FHIT: variants seen among roughly 807,000 people sequenced by gnomAD.
The protein encoded by FHIT is fragile histidine triad diadenosine triphosphatase, also known as bis(5'-adenosyl)-triphosphatase.
A neutral mutation model predicts 17.9 loss-of-function variants in FHIT; 19 were observed. That is an observed-to-expected ratio of 1.06 (90% CI 0.74 to 1.56). FHIT has a LOEUF of 1.56. Ranked by LOEUF, FHIT falls within the 40% of genes most tolerant of loss-of-function variation. The pLI is 0.00. For missense variants in FHIT, 248 were observed against 189.2 expected, an observed-to-expected ratio of 1.31 and a Z score of -1.82; for synonymous variants, 81 against 69.7, an observed-to-expected ratio of 1.16 and a Z score of -0.81.
intron 8 of FHIT, among the ~76,000 whole-genome samples, chr3:59,836,496 T>G (rs1701344716): frequency 6.6e-6 from 1 of 152,140 alleles, no homozygotes; most frequent in African/African-American, 2.4e-5. Flanking sequence ...TCCCCTCCTG[T>G]TACAGGAAGG....
At chr3:61,050,319 CAA>C (rs2033979217) in intron 2 of FHIT, among the ~76,000 whole-genome samples, 1 of 151,808 alleles carries the variant, frequency 6.6e-6, no homozygotes, top group Non-Finnish European at 1.5e-5. Flanking sequence ...TCTCACAAAT[CAA>C]AGTTATTGAG....
intron 4 of FHIT, among the ~76,000 whole-genome samples, chr3:60,698,728 C>T (rs1464892628): frequency 1.3e-5 from 2 of 151,900 alleles, no homozygotes; most frequent in Admixed American, 1.3e-4. Flanking sequence ...TTTTATTGCT[C>T]CCCTACCCTT....
At chr3:60,911,825 G>C (rs1196692102) in intron 3 of FHIT, among the ~76,000 whole-genome samples, 1 of 152,128 alleles carries the variant, frequency 6.6e-6, no homozygotes, top group African/African-American at 2.4e-5. Context: ...GAAGCAAAGG[G>C]AGGGGGTAAA....
chr3:60,840,347 G>A (rs1702680683), intron 3 of FHIT, among the ~76,000 whole-genome samples: 1 of 152,020 alleles, frequency 6.6e-6, no homozygotes, highest in African/African-American at 2.4e-5. Context: ...CTCTATGACT[G>A]CTGTTCTAAA....
At chr3:60,908,345 C>T (rs1335498083) in intron 3 of FHIT, among the ~76,000 whole-genome samples, 5 of 152,112 alleles carry the variant, frequency 3.3e-5, no homozygotes, top group African/African-American at 9.7e-5. Flanking sequence ...AACAAAAGTA[C>T]AGGTGCTTTG....
chr3:60,686,458 AT>A (rs2040864604), intron 4 of FHIT, among the ~76,000 whole-genome samples: 1 of 152,070 alleles, frequency 6.6e-6, no homozygotes, highest in African/African-American at 2.4e-5. Context: ...CCCATTCTCT[AT>A]CACCTTTCCT....
intron 1 of FHIT, among the ~76,000 whole-genome samples, chr3:61,225,335 A>G (rs1439326975): frequency 6.6e-6 from 1 of 152,210 alleles, no homozygotes; most frequent in Non-Finnish European, 1.5e-5. Flanking sequence ...AGAAAAATAT[A>G]TATATTTTTT....
At chr3:60,899,635 C>T (rs1457675270) in intron 3 of FHIT, among the ~76,000 whole-genome samples, 1 of 152,170 alleles carries the variant, frequency 6.6e-6, no homozygotes, top group Non-Finnish European at 1.5e-5. Flanking sequence ...AACAGTGTGC[C>T]AGAGACTCTT....
intron 7 of FHIT, among the ~76,000 whole-genome samples, chr3:59,924,963 G>A (rs923590446): frequency 6.6e-6 from 1 of 152,188 alleles, no homozygotes; most frequent in African/African-American, 2.4e-5. Flanking sequence ...GTCACTTGCT[G>A]TTTTGCCTGC....
In FHIT at chr3:60,723,865, T is replaced by G. The variant is rs137974190; in HGVS notation, c.-18+98054A>C. ...TTCTAGATACAGCAAAGACTTAAAC[T>G]CCAAGTCCTCACAGAATTTATGTGG... On this transcript the variant is annotated intron_variant, in intron 4 of 9. Transcript: ENST00000492590. Among the ~76,000 whole-genome samples the G allele has an allele frequency of 1.1e-4, 17 of 152,276 alleles. No individual in the cohort carries two copies. The East Asian group carries it at 3.3e-3, about 29-fold the overall frequency.
At chr3:60,507,124 T>C (rs1397503798) in intron 5 of FHIT, among the ~76,000 whole-genome samples, 1 of 152,012 alleles carries the variant, frequency 6.6e-6, no homozygotes, top group Non-Finnish European at 1.5e-5. Context: ...TTAGAACATA[T>C]AATAAAGGAA....
At chr3:61,016,764 G>T (rs1271159612) in intron 3 of FHIT, among the ~76,000 whole-genome samples, 1 of 152,226 alleles carries the variant, frequency 6.6e-6, no homozygotes, top group Admixed American at 6.5e-5. Context: ...CTTTATGTGT[G>T]AATTACTTAT....
intron 3 of FHIT, among the ~76,000 whole-genome samples, chr3:60,995,758 A>T: frequency 6.6e-6 from 1 of 152,192 alleles, no homozygotes; most frequent in East Asian, 1.9e-4. Context: ...TGGTTAATAA[A>T]TTATCATATT....
intron 8 of FHIT, among the ~76,000 whole-genome samples, chr3:59,822,146 C>G (rs529171475): frequency 2.0e-5 from 3 of 152,256 alleles, no homozygotes; most frequent in Non-Finnish European, 4.4e-5. Context: ...TTTTTATAGC[C>G]AAGCAGTATT....
At chr3:61,213,795 T>A (rs1045379995) in intron 1 of FHIT, among the ~76,000 whole-genome samples, 3 of 152,080 alleles carry the variant, frequency 2.0e-5, no homozygotes, top group Non-Finnish European at 4.4e-5. Context: ...ACAGAAATTA[T>A]AACAAATTGT....
rs533932338 is a variant in FHIT, at chr3:60,923,855, C to T, written c.-110-101844G>A. The stretch of plus-strand genomic sequence containing the variant: ...GGCACCTGGAAAATCGGGTCACTCC[C>T]ACCCTAATACTGTGCTTTTCCAATG... On this transcript the variant is annotated intron_variant, in intron 3 of 9. Coordinates refer to ENST00000492590, the MANE Select transcript of FHIT (RefSeq NM_002012.4). Among the ~76,000 whole-genome samples, 3 of 152,298 alleles carry T rather than the reference C, an allele frequency of 2.0e-5. No individual in the cohort carries two copies. The East Asian group carries it at 5.8e-4, about 29-fold the overall frequency.
chr3:60,173,561 A>G (rs1701512699), intron 5 of FHIT, among the ~76,000 whole-genome samples: 1 of 152,100 alleles, frequency 6.6e-6, no homozygotes, highest in African/African-American at 2.4e-5. Context: ...AATCCAGGAC[A>G]CAGGATGACA....
chr3:61,173,581 A>G (rs1055491022), intron 2 of FHIT, among the ~76,000 whole-genome samples: 1 of 152,212 alleles, frequency 6.6e-6, no homozygotes, highest in Admixed American at 6.5e-5. Context: ...TATTTGCAAA[A>G]CATAGTTCTC....
At chr3:60,275,544 C>G (rs1317973246) in intron 5 of FHIT, among the ~76,000 whole-genome samples, 1 of 152,164 alleles carries the variant, frequency 6.6e-6, no homozygotes, top group Non-Finnish European at 1.5e-5. Context: ...TTCCGGTAGT[C>G]TTGTGGAAAC....
Sources: allele counts gnomAD v4.1 joint callset (sites outside exome capture counted in the v4.1 genomes callset), GRCh38; gene constraint gnomAD v4.1.1; transcripts MANE v1.5; gene names NCBI Gene and HGNC (gene_info 2026-07-23, HGNC 2026-07-21).